The following DYRK1A variants were observed in gnomAD, a reference collection of about 807,000 sequenced individuals.
DYRK1A encodes the protein dual specificity tyrosine phosphorylation regulated kinase 1A.
In DYRK1A, 9 loss-of-function variants were observed where a neutral mutation model predicts 79.7. The observed-to-expected ratio is 0.11, with a 90% CI of 0.07 to 0.20. The LOEUF (loss-of-function observed/expected upper bound fraction) is 0.20. Among genes scored for constraint, DYRK1A ranks in the 10% least tolerant of loss-of-function variants. DYRK1A has a pLI of 1.00. For synonymous variants in DYRK1A, 349 were observed against 329.7 expected, an observed-to-expected ratio of 1.06 and a Z score of -0.63; for missense variants, 622 against 956.0, an observed-to-expected ratio of 0.65 and a Z score of 4.61.
At chr21:37,384,656 G>A (rs1328114894) in intron 1 of DYRK1A, among the ~76,000 whole-genome samples, 2 of 152,134 alleles carry the variant, frequency 1.3e-5, no homozygotes, top group East Asian at 1.9e-4. Context: ...AAAGAAGCAG[G>A]TTAACATGAC....
chr21:37,474,703 T>C (rs1182731322), intron 3 of DYRK1A, among the ~76,000 whole-genome samples: 1 of 152,254 alleles, frequency 6.6e-6, no homozygotes, highest in Non-Finnish European at 1.5e-5. Flanking sequence ...TACTGTAATT[T>C]CATTATTTAA....
intron 1 of DYRK1A, among the ~76,000 whole-genome samples, chr21:37,417,497 T>G (rs937212957): frequency 7.3e-6 from 1 of 136,654 alleles, no homozygotes; most frequent in Middle Eastern, 4.2e-3. Context: ...CCTTGTATTT[T>G]TTATTTTTCT....
chr21:37,436,589 CAT>C (rs1291872810), intron 2 of DYRK1A, among the ~76,000 whole-genome samples: 2 of 152,146 alleles, frequency 1.3e-5, no homozygotes, highest in Non-Finnish European at 2.9e-5. Context: ...AAAAATAATT[CAT>C]GTGAATTTAG....
At chr21:37,446,727 G>A (rs1289905905) in intron 2 of DYRK1A, among the ~76,000 whole-genome samples, 1 of 152,130 alleles carries the variant, frequency 6.6e-6, no homozygotes, top group Non-Finnish European at 1.5e-5. Context: ...AAAGGTCAGG[G>A]TCACACAGTG....
intron 3 of DYRK1A, 94 bp from the exon 4 acceptor site, chr21:37,478,114 A>G (rs750269679): frequency 4.3e-4 from 664 of 1,539,340 alleles, no homozygotes; most frequent in Non-Finnish European, 5.6e-4. Context: ...AAGTAGATAC[A>G]TGCAGGTTAC....
intron 1 of DYRK1A, among the ~76,000 whole-genome samples, chr21:37,400,003 C>T (rs2050024851): frequency 6.6e-6 from 1 of 152,182 alleles, no homozygotes; most frequent in Admixed American, 6.5e-5. Context: ...TCTTACAGTT[C>T]TGGAGGCTAG....
At position 37,399,979 on chromosome 21, in the gene DYRK1A, A is replaced by G. The variant is rs558540296; in HGVS notation, c.-76-20320A>G. 5.9e-5 allele frequency among the ~76,000 whole-genome samples: 9 copies of G among 152,310 alleles called. No individual in the cohort carries two copies. In the South Asian group the frequency reaches 1.5e-3, roughly 25 times the overall value. On this transcript the variant is annotated intron_variant, in intron 1 of 11. Transcript: ENST00000647188. ...ATCACAGATTTAGTGACTTAAAACA[A>G]CAGAAATTTATTCTCTTACAGTTCT...
Position 37,480,872 on chromosome 21 carries a change from C to G in DYRK1A, c.489+46C>G, listed in dbSNP as rs368351710. The G allele has an allele frequency of 4.8e-6, 7 of 1,469,190 alleles. No homozygotes were observed. The African/African-American group carries it at 9.9e-5, about 21-fold the overall frequency. 91.0% of individuals were successfully genotyped at this position (1,469,190 alleles called of 1,614,324 possible). On this transcript the variant is annotated intron_variant, in intron 5 of 11. Coordinates refer to ENST00000647188, the MANE Select transcript of DYRK1A (RefSeq NM_001347721.2). ...GAATTTCATTAGTTAGAAAGAACTT[C>G]TTAGTGAATCTTGTTGTTAACAGCC...
chr21:37,474,010 T>C (rs2052316047), intron 3 of DYRK1A, among the ~76,000 whole-genome samples: 1 of 152,220 alleles, frequency 6.6e-6, no homozygotes, highest in South Asian at 2.1e-4. Context: ...TTGATTCAGA[T>C]TAATTTTCCC....
chr21:37,493,285 G>C (rs1459501124), intron 8 of DYRK1A, 122 bp downstream of exon 8: 1 of 976,556 alleles, frequency 1.0e-6, no homozygotes, highest in African/African-American at 1.6e-5. Flanking sequence ...CAAATGTGAG[G>C]TCAGTTTGAA....
At chr21:37,454,166 C>T (rs1254094660) in intron 2 of DYRK1A, among the ~76,000 whole-genome samples, 1 of 140,216 alleles carries the variant, frequency 7.1e-6, no homozygotes, top group Non-Finnish European at 1.5e-5. Context: ...GATCACAGCT[C>T]ACTGCAGCCT....
rs1569415317 is a variant in DYRK1A at position 37,525,450 on chromosome 21, C to A, written c.*12919C>A. 6.6e-6 allele frequency: 1 copy of A among 152,152 alleles called. No homozygotes were observed. The highest frequency in any genetic ancestry group is 2.1e-4 in the South Asian group (1 of 4,822). The allele number at this position is 152,152 out of a possible 1,614,324, so 9.4% of individuals were successfully genotyped here. A position where few individuals can be genotyped will look rare whatever the true frequency, so the allele number is the denominator to read the frequency against. On this transcript the variant is annotated 3_prime_UTR_variant, in exon 12 of 12. Coordinates refer to ENST00000647188, the MANE Select transcript of DYRK1A (RefSeq NM_001347721.2). ...GAACAGCATGGTAAAATCCTGCCTCCATGATTCAGTTACCTCCCACTGGGT... is the reference window on the plus strand; with the variant it reads ...GAACAGCATGGTAAAATCCTGCCTCAATGATTCAGTTACCTCCCACTGGGT...
intron 1 of DYRK1A, among the ~76,000 whole-genome samples, chr21:37,372,126 C>T (rs929322877): frequency 5.9e-5 from 9 of 151,998 alleles, no homozygotes; most frequent in African/African-American, 2.2e-4. Context: ...AGGCTTGCAT[C>T]TTGGCACCCA....
chr21:37,439,241 A>G (rs1404459919), intron 2 of DYRK1A, among the ~76,000 whole-genome samples: 1 of 152,052 alleles, frequency 6.6e-6, no homozygotes, highest in African/African-American at 2.4e-5. Context: ...ATGAGAGACA[A>G]TTTTTCTGCT....
chr21:37,494,945 TAAAA>T (rs11312263), intron 8 of DYRK1A, among the ~76,000 whole-genome samples: 6 of 145,700 alleles, frequency 4.1e-5, no homozygotes, highest in Non-Finnish European at 7.5e-5. Context: ...AAGACTCCAT[TAAAA>T]AAAAAAAAAA....
intron 3 of DYRK1A, among the ~76,000 whole-genome samples, chr21:37,477,472 AG>A (rs1474711210): frequency 1.3e-5 from 2 of 152,050 alleles, no homozygotes; most frequent in Admixed American, 6.6e-5. Flanking sequence ...GTGTGTATAG[AG>A]GGGGTGCATG....
intron 1 of DYRK1A, among the ~76,000 whole-genome samples, chr21:37,398,922 T>A (rs1204751110): frequency 6.7e-6 from 1 of 148,280 alleles, no homozygotes; most frequent in Non-Finnish European, 1.5e-5. Context: ...TTTTTTTTTT[T>A]TAAACCGCAG....
chr21:37,488,291 A>G, intron 6 of DYRK1A: 2 of 956,130 alleles, frequency 2.1e-6, no homozygotes, highest in Non-Finnish European at 2.5e-6. Flanking sequence ...TCTGTTTGGA[A>G]AACAAAAGAA....
chr21:37,510,481 A>G (rs1034106711), intron 11 of DYRK1A, among the ~76,000 whole-genome samples: 1 of 152,238 alleles, frequency 6.6e-6, no homozygotes, highest in African/African-American at 2.4e-5. Context: ...ATGAACATGA[A>G]GAAAAATGGC....
Sources: gnomAD v4.1 joint callset for allele counts (sites outside exome capture counted in the v4.1 genomes callset) on GRCh38, gnomAD v4.1.1 for gene constraint, MANE v1.5 for transcripts, NCBI Gene and HGNC (gene_info 2026-07-23, HGNC 2026-07-21) for gene names.